The following HUWE1 variants were observed in gnomAD, a reference collection of about 807,000 sequenced individuals.
HUWE1 encodes the protein HECT, UBA and WWE domain containing E3 ubiquitin protein ligase 1.
Under a neutral mutation model 299.4 loss-of-function variants are expected in HUWE1, and 18 were observed. The ratio of observed to expected loss-of-function variants is 0.06; its 90% CI spans 0.04 to 0.09. The LOEUF is 0.09. Among genes scored for constraint, HUWE1 ranks in the 10% least tolerant of loss-of-function variants. HUWE1 has a pLI of 1.00. For missense variants in HUWE1, 1,832 were observed against 3,462.3 expected (o/e 0.53, Z 11.82); for synonymous variants, 1,317 against 1,286.1 (o/e 1.02, Z -0.51).
At position 53,558,730 on chromosome X, in the gene HUWE1, T is replaced by C. The variant is rs1556937570; in HGVS notation, c.8085A>G (p.Lys2695=). The change falls in exon 59 of 84, where the codon AAA becomes AAG. Residue 2695 remains lysine (K), a synonymous_variant. Coordinates refer to ENST00000262854, the MANE Select transcript of HUWE1 (RefSeq NM_031407.7). The part of the protein sequence containing the change: ...ELEERREKRR[K]QLAEEETKIT... ...TCTTTGTTTCTTCCTCAGCCAGTTGTTTCCTGCGCTTCTCTCGCCTTTCTT... is the reference window on the plus strand; with the variant it reads ...TCTTTGTTTCTTCCTCAGCCAGTTGCTTCCTGCGCTTCTCTCGCCTTTCTT... 3.3e-6 allele frequency: 4 copies of C among 1,209,963 alleles called. No homozygotes were observed. The African/African-American group carries it at 6.9e-5, about 21-fold the overall frequency.
At chrX:53,537,754 G>A (rs937681975) in intron 77 of HUWE1, 58 bp from the exon 78 acceptor site, 22 of 1,103,790 alleles carry the variant, frequency 2.0e-5, no homozygotes, top group Non-Finnish European at 2.6e-5. Context: ...AAATTTGTTT[G>A]TGTGATTAGG....
intron 31 of HUWE1, among the ~76,000 whole-genome samples, chrX:53,593,858 G>A (rs1556981938): frequency 1.8e-5 from 2 of 111,982 alleles, no homozygotes; most frequent in Non-Finnish European, 3.8e-5. Flanking sequence ...CAGCACTTTG[G>A]GAGGCTGAGG....
chrX:53,600,583 G>A (rs1382707327), intron 28 of HUWE1, among the ~76,000 whole-genome samples: 10 of 112,366 alleles, frequency 8.9e-5, no homozygotes, highest in Admixed American at 7.5e-4. Context: ...GCCCAACCCA[G>A]GGGGTACCAT....
chrX:53,644,833 A>G (rs1297298158), intron 7 of HUWE1, among the ~76,000 whole-genome samples: 1 of 112,006 alleles, frequency 8.9e-6, no homozygotes, highest in African/African-American at 3.2e-5. Flanking sequence ...GAACTTTTAT[A>G]TGAGAGCTTC....
intron 34 of HUWE1, 115 bp downstream of exon 34, chrX:53,590,885 T>A: frequency 1.1e-6 from 1 of 929,399 alleles, no homozygotes; most frequent in Non-Finnish European, 1.5e-6. Context: ...TGGACATGTC[T>A]GAAAATGAGA....
chrX:53,584,543 G>A (rs1556971341), intron 40 of HUWE1, among the ~76,000 whole-genome samples, 198 bp from the exon 41 acceptor site: 3 of 111,482 alleles, frequency 2.7e-5, no homozygotes, highest in Admixed American at 9.5e-5. Context: ...ATAATGAACT[G>A]TAGACCTTCC....
intron 29 of HUWE1, among the ~76,000 whole-genome samples, chrX:53,598,374 G>A (rs2064619599): frequency 9.0e-6 from 1 of 111,442 alleles, no homozygotes; most frequent in Admixed American, 9.5e-5. Flanking sequence ...AAAGTACTGT[G>A]TATTTCCACA....
chrX:53,560,806 T>C (rs1165045773), intron 55 of HUWE1, among the ~76,000 whole-genome samples: 1 of 111,888 alleles, frequency 8.9e-6, no homozygotes, highest in African/African-American at 3.3e-5. Flanking sequence ...TTGGGTTAGG[T>C]AACTCTTTAC....
In HUWE1 at chrX:53,561,885, C is replaced by T. The variant is rs1489829989; in HGVS notation, c.7378G>A (p.Asp2460Asn). 8.3e-7 allele frequency: 1 copy of T among 1,211,305 alleles called. No homozygotes were observed. Among genetic ancestry groups the T allele is most frequent in the Non-Finnish European group, 1.1e-6 (1 of 895,235 alleles). Residue 2460 changes from aspartate (D) to asparagine (N), a missense_variant, in exon 55 of 84, where the codon GAC (aspartate) becomes AAC (asparagine). By Grantham distance (23) the Asp-to-Asn change is conservative. This residue lies in a region of HUWE1 where 170 missense variants were observed against 335.8 expected (regional missense o/e 0.51). Coordinates refer to ENST00000262854, the MANE Select transcript of HUWE1 (RefSeq NM_031407.7). ...EGEEGDEDDD[D>N]DGSEMELDED... ...TCCAATTCCATCTCAGAGCCATCGT[C>T]GTCATCGTCTTCATCTCCCTCTTCA...
chrX:53,539,913 G>T, intron 74 of HUWE1, 101 bp from the exon 75 acceptor site: 1 of 796,680 alleles, frequency 1.3e-6, no homozygotes, highest in South Asian at 2.6e-5. Context: ...AACAAGTAGA[G>T]GGGACCACTG....
chrX:53,546,087 G>C (rs944271771), intron 70 of HUWE1, among the ~76,000 whole-genome samples: 5 of 111,642 alleles, frequency 4.5e-5, no homozygotes, highest in African/African-American at 1.6e-4. Context: ...ATACTTTGAA[G>C]GGGTGAAGCT....
At chrX:53,548,937 G>T in intron 67 of HUWE1, 22 bp downstream of exon 67, 1 of 1,169,326 alleles carries the variant, frequency 8.6e-7, no homozygotes, top group African/African-American at 1.8e-5. Flanking sequence ...CCATCCCCAG[G>T]AGTTGGGTTT....
chrX:53,594,229 A>T (rs781948397), intron 31 of HUWE1, among the ~76,000 whole-genome samples: 1 of 112,509 alleles, frequency 8.9e-6, no homozygotes, highest in African/African-American at 3.2e-5. Context: ...AGACAAACCT[A>T]TTTTAAAAAC....
intron 3 of HUWE1, among the ~76,000 whole-genome samples, chrX:53,679,585 T>C (rs1309763810): frequency 9.0e-6 from 1 of 110,632 alleles, no homozygotes; most frequent in Non-Finnish European, 1.9e-5. Context: ...AGCCCAGGAG[T>C]TTGTGACCAG....
chrX:53,628,897 A>G lies in HUWE1; in HGVS notation c.969T>C (p.Ile323=), dbSNP rs782074159. ...LQITDKQLME[I]KAASLRTLTS... Reference sequence around the variant, plus strand: ...TTAATGTTCGTAAAGAAGCTGCTTTAATCTCCTATTAAATTAGAAGGTAAA... The same window carrying G: ...TTAATGTTCGTAAAGAAGCTGCTTTGATCTCCTATTAAATTAGAAGGTAAA... The change falls in exon 14 of 84, where the codon ATT becomes ATC. Residue 323 remains isoleucine (I), a synonymous_variant. Coordinates refer to ENST00000262854, the MANE Select transcript of HUWE1 (RefSeq NM_031407.7). The G allele has an allele frequency of 8.3e-7, 1 of 1,200,988 alleles. No homozygotes were observed.
At chrX:53,603,892 G>A (rs1556994015) in intron 26 of HUWE1, among the ~76,000 whole-genome samples, 1 of 111,818 alleles carries the variant, frequency 8.9e-6, no homozygotes, top group Non-Finnish European at 1.9e-5. Context: ...TTCCTTGAAT[G>A]TTTCATTTTC....
At chrX:53,666,755 C>A (rs782271759) in intron 3 of HUWE1, among the ~76,000 whole-genome samples, 27 of 111,901 alleles carry the variant, frequency 2.4e-4, no homozygotes, top group African/African-American at 8.4e-4. Context: ...CACCTCTTTA[C>A]TTACCTGACA....
At position 53,570,449 on chromosome X, in the gene HUWE1, TTAAG is replaced by T. The variant is rs1176159396; in HGVS notation, c.6313-626_6313-623del. ...TGAGGATTCAAACCTTGATTCTTAA[TTAAG>T]TGCTATAAACCCTTCAGTGTTCAAT... On this transcript the variant is annotated intron_variant, in intron 47 of 83. Transcript: ENST00000262854. Among the ~76,000 whole-genome samples, 5 of 112,712 alleles carry T rather than the reference TTAAG, an allele frequency of 4.4e-5. No homozygotes were observed. The East Asian group carries it at 1.4e-3, about 31-fold the overall frequency.
chrX:53,680,007 A>G (rs1025481365), intron 3 of HUWE1, 42 bp downstream of exon 3: 11 of 295,300 alleles, frequency 3.7e-5, no homozygotes, highest in Non-Finnish European at 5.9e-5. Context: ...CATTCCAGGA[A>G]GTAAAATACA....
Sources: gnomAD v4.1 joint callset for allele counts (sites outside exome capture counted in the v4.1 genomes callset) on GRCh38, gnomAD v4.1.1 for gene constraint, gnomAD v4.1.1 regional missense constraint, MANE v1.5 for transcripts, NCBI Gene and HGNC (gene_info 2026-07-23, HGNC 2026-07-21) for gene names.